Variants in SORCS2 observed in about 807,000 individuals in gnomAD.
SORCS2 encodes the protein sortilin related VPS10 domain containing receptor 2.
In SORCS2, 100 loss-of-function variants were observed where a neutral mutation model predicts 141.6. The observed-to-expected ratio is 0.71, with a 90% CI of 0.60 to 0.83. The LOEUF (loss-of-function observed/expected upper bound fraction) is 0.83. Among genes scored for constraint, SORCS2 ranks in the 40% least tolerant of loss-of-function variants. The pLI, the probability that SORCS2 is intolerant of heterozygous loss-of-function variation, is 0.00. For missense variants in SORCS2, 1,646 were observed against 1,560.2 expected (o/e 1.05, Z -0.93); for synonymous variants, 789 against 676.9 (o/e 1.17, Z -2.57).
In SORCS2 at chr4:7,740,600, T is replaced by C. The variant is rs1441844204; in HGVS notation, c.*336T>C. 1.3e-5 allele frequency: 5 copies of C among 386,194 alleles called. No individual in the cohort carries two copies. The highest frequency in any genetic ancestry group is 9.9e-5 in the African/African-American group (5 of 50,260). 23.9% of individuals were successfully genotyped at this position (386,194 alleles called of 1,614,324 possible). On this transcript the variant is annotated 3_prime_UTR_variant, in exon 27 of 27. Transcript: ENST00000507866. Reference sequence around the variant, plus strand: ...TTCTCTGGGCTGAGGCTGGTCGTCCTGGAGCCCTCCCAGTACCTCGGGCTG... The same window carrying C: ...TTCTCTGGGCTGAGGCTGGTCGTCCCGGAGCCCTCCCAGTACCTCGGGCTG...
At chr4:7,333,995 C>T (rs1188994404) in intron 1 of SORCS2, among the ~76,000 whole-genome samples, 1 of 152,134 alleles carries the variant, frequency 6.6e-6, no homozygotes, top group Non-Finnish European at 1.5e-5. Context: ...ACAGCGTCCC[C>T]TGCTGCCAGA....
chr4:7,321,710 T>C lies in SORCS2; in HGVS notation c.481-74578T>C, dbSNP rs141475496. On this transcript the variant is annotated intron_variant, in intron 1 of 26. Transcript: ENST00000507866. ...CTGGGTGAGGAGGGTGATGGGCATG[T>C]GCTTTTGGATGGCGTGGTTGAGCCC... Among the ~76,000 whole-genome samples the C allele has an allele frequency of 2.9e-3, 437 of 152,264 alleles. 4 individuals are homozygous for C. The highest frequency in any genetic ancestry group is 1.0e-2 in the African/African-American group (414 of 41,558).
intron 2 of SORCS2, among the ~76,000 whole-genome samples, chr4:7,465,667 A>G (rs1005489201): frequency 3.3e-5 from 5 of 152,248 alleles, no homozygotes; most frequent in African/African-American, 1.2e-4. Flanking sequence ...AAAATATTGA[A>G]AAGAAAATTC....
At chr4:7,625,478 A>G (rs1577858748) in intron 3 of SORCS2, among the ~76,000 whole-genome samples, 2 of 151,978 alleles carry the variant, frequency 1.3e-5, no homozygotes, top group African/African-American at 4.8e-5. Context: ...CCAGGCACAC[A>G]GTCACCGTCT....
At chr4:7,572,628 A>G (rs375901318) in intron 3 of SORCS2, among the ~76,000 whole-genome samples, 9 of 152,320 alleles carry the variant, frequency 5.9e-5, no homozygotes, top group African/African-American at 1.7e-4. Flanking sequence ...TGTGTAGGGT[A>G]TGTGGGAGGA....
At position 7,374,144 on chromosome 4, in the gene SORCS2, T is replaced by A. The variant is rs557986685; in HGVS notation, c.481-22144T>A. Reference sequence around the variant, plus strand: ...CTTTCTTTCCCTCTTTCTTTCTTTCTTTCTTTCTTTCTTTCTTTCTTTCTT... The same window carrying A: ...CTTTCTTTCCCTCTTTCTTTCTTTCATTCTTTCTTTCTTTCTTTCTTTCTT... On this transcript the variant is annotated intron_variant, in intron 1 of 26. Transcript: ENST00000507866. 2.5e-4 allele frequency among the ~76,000 whole-genome samples: 35 copies of A among 140,492 alleles called. 1 individual carries two copies. Among genetic ancestry groups the A allele is most frequent in the African/African-American group, 9.3e-4 (34 of 36,728 alleles). The allele number at this position is 140,492 out of a possible 152,430, so 92.2% of individuals were successfully genotyped here.
In SORCS2 at chr4:7,483,780, G is replaced by A. The variant is rs141022661; in HGVS notation, c.549-47750G>A. Among the ~76,000 whole-genome samples the A allele has an allele frequency of 1.9e-3, 288 of 152,176 alleles. 1 individual carries two copies. Among genetic ancestry groups the A allele is most frequent in the Admixed American group, 2.4e-3 (36 of 15,282 alleles). ...GGGGCCAGGGGAGGGAGAGCATTAC[G>A]ACAAATACCTAATGAATGCAGGGCT... is the stretch of plus-strand genomic sequence containing the variant. On this transcript the variant is annotated intron_variant, in intron 2 of 26. Transcript: ENST00000507866.
At chr4:7,607,376 G>C (rs955353578) in intron 3 of SORCS2, among the ~76,000 whole-genome samples, 2 of 152,104 alleles carry the variant, frequency 1.3e-5, no homozygotes, top group Non-Finnish European at 2.9e-5. Flanking sequence ...GGGTGCGTCG[G>C]GGAATTTTTG....
At chr4:7,611,316 A>G (rs1336352019) in intron 3 of SORCS2, among the ~76,000 whole-genome samples, 2 of 152,174 alleles carry the variant, frequency 1.3e-5, no homozygotes, top group Admixed American at 6.5e-5. Context: ...ATGAAGCCAG[A>G]GAGACCAGGC....
intron 4 of SORCS2, among the ~76,000 whole-genome samples, chr4:7,640,779 G>A (rs1720682272): frequency 6.6e-6 from 1 of 152,142 alleles, no homozygotes; most frequent in Non-Finnish European, 1.5e-5. Context: ...ACAGTTGCAG[G>A]AAGGGTCCCA....
At chr4:7,533,306 C>T (rs1054072350) in intron 3 of SORCS2, among the ~76,000 whole-genome samples, 1 of 152,152 alleles carries the variant, frequency 6.6e-6, no homozygotes, top group Admixed American at 6.5e-5. Flanking sequence ...CCTTCCAGCC[C>T]GACCATCACC....
intron 8 of SORCS2, among the ~76,000 whole-genome samples, chr4:7,672,302 C>T (rs1291745503): frequency 2.0e-5 from 3 of 152,138 alleles, no homozygotes; most frequent in African/African-American, 4.8e-5. Flanking sequence ...TGACTTATTA[C>T]ATACAAGCAA....
At chr4:7,650,402 G>A (rs1324887822) in intron 4 of SORCS2, among the ~76,000 whole-genome samples, 4 of 152,154 alleles carry the variant, frequency 2.6e-5, no homozygotes, top group Non-Finnish European at 4.4e-5. Flanking sequence ...ACTTTGCAGC[G>A]TGCCTGGATA....
At chr4:7,379,589 C>G (rs1009940669) in intron 1 of SORCS2, among the ~76,000 whole-genome samples, 4 of 152,194 alleles carry the variant, frequency 2.6e-5, no homozygotes, top group African/African-American at 7.2e-5. Flanking sequence ...ACAATAGACA[C>G]GCGGATACTA....
chr4:7,554,678 A>C (rs1161982081), intron 3 of SORCS2, among the ~76,000 whole-genome samples: 1 of 152,208 alleles, frequency 6.6e-6, no homozygotes, highest in Non-Finnish European at 1.5e-5. Context: ...GAGATGCATA[A>C]AGATTCTGCA....
chr4:7,645,284 A>G (rs1720999861), intron 4 of SORCS2, among the ~76,000 whole-genome samples: 1 of 152,160 alleles, frequency 6.6e-6, no homozygotes, highest in Non-Finnish European at 1.5e-5. Flanking sequence ...TCTTGAAGGC[A>G]AGGGTGACTC....
intron 2 of SORCS2, among the ~76,000 whole-genome samples, chr4:7,426,004 G>T (rs1577540389): frequency 6.6e-6 from 1 of 152,264 alleles, no homozygotes; most frequent in East Asian, 1.9e-4. Context: ...CGGAGCACAG[G>T]TCTCAGGAGG....
chr4:7,450,480 CTG>C (rs1728365982), intron 2 of SORCS2, among the ~76,000 whole-genome samples: 1 of 152,238 alleles, frequency 6.6e-6, no homozygotes, highest in African/African-American at 2.4e-5. Context: ...TTCTGGGTAA[CTG>C]TGACCCACAT....
intron 2 of SORCS2, among the ~76,000 whole-genome samples, chr4:7,412,390 G>C (rs1436053295): frequency 6.6e-6 from 1 of 152,162 alleles, no homozygotes; most frequent in Non-Finnish European, 1.5e-5. Context: ...TCTGAATTTA[G>C]CTTTCTGACA....
Sources: allele counts gnomAD v4.1 joint callset (sites outside exome capture counted in the v4.1 genomes callset), GRCh38; gene constraint gnomAD v4.1.1; transcripts MANE v1.5; gene names NCBI Gene and HGNC (gene_info 2026-07-23, HGNC 2026-07-21).